NFATC3: variants seen among roughly 807,000 people sequenced by gnomAD.
The protein encoded by NFATC3 is nuclear factor of activated T-cells, cytoplasmic 3.
NFATC3 carries 46 observed loss-of-function variants against 98.6 expected under a neutral mutation model. The ratio of observed to expected loss-of-function variants is 0.47; its 90% CI spans 0.37 to 0.60. The LOEUF is 0.60. NFATC3 is among the 20% of genes least tolerant of loss of function. The pLI, the probability that NFATC3 is intolerant of heterozygous loss-of-function variation, is 0.00. For synonymous variants in NFATC3, 512 were observed against 472.2 expected, an observed-to-expected ratio of 1.08 and a Z score of -1.09; for missense variants, 1,256 against 1,295.5, an observed-to-expected ratio of 0.97 and a Z score of 0.47.
intron 9 of NFATC3, chr16:68,192,251 A>ATATATATATATATATATT (rs1427447833): frequency 9.2e-6 from 1 of 109,128 alleles, no homozygotes; most frequent in African/African-American, 3.1e-5. Flanking sequence ...ATATATATAT[A>ATATATATATATATATATT]TATGTATGTG....
chr16:68,094,290 T>G (rs1414217285), intron 1 of NFATC3, among the ~76,000 whole-genome samples: 1 of 152,156 alleles, frequency 6.6e-6, no homozygotes, highest in African/African-American at 2.4e-5. Flanking sequence ...GTTTTGCTTT[T>G]AAAGTTTAAA....
At chr16:68,092,537 G>C (rs1164361940) in intron 1 of NFATC3, among the ~76,000 whole-genome samples, 1 of 118,438 alleles carries the variant, frequency 8.4e-6, no homozygotes, top group Non-Finnish European at 1.9e-5. Flanking sequence ...TGAGGCAGGC[G>C]GATCACGAGG....
intron 3 of NFATC3, among the ~76,000 whole-genome samples, chr16:68,127,824 T>C (rs984411538): frequency 6.6e-6 from 1 of 152,158 alleles, no homozygotes; most frequent in African/African-American, 2.4e-5. Context: ...GTAAAGTAAT[T>C]GTCTGTCTTA....
intron 9 of NFATC3, among the ~76,000 whole-genome samples, chr16:68,210,000 TA>T (rs1343411088): frequency 6.6e-6 from 1 of 150,992 alleles, no homozygotes; most frequent in African/African-American, 2.4e-5. Context: ...CCATCTCTGC[TA>T]AAAATACAAA....
intron 9 of NFATC3, among the ~76,000 whole-genome samples, chr16:68,195,616 G>C (rs2072496694): frequency 6.6e-6 from 1 of 152,166 alleles, no homozygotes; most frequent in South Asian, 2.1e-4. Context: ...AGATCATCCT[G>C]GCTAACACGG....
intron 3 of NFATC3, among the ~76,000 whole-genome samples, chr16:68,131,651 T>C (rs1431486999): frequency 1.5e-5 from 2 of 133,868 alleles, no homozygotes; most frequent in Non-Finnish European, 3.2e-5. Context: ...ATCAAGGTAC[T>C]TTTTTTTTTT....
intron 1 of NFATC3, chr16:68,086,018 C>T: frequency 2.4e-6 from 1 of 422,334 alleles, no homozygotes; most frequent in Admixed American, 4.6e-5. Flanking sequence ...GGGAACTCGA[C>T]TCCGGGACGA....
chr16:68,144,517 T>A lies in NFATC3; in HGVS notation c.1402-13352T>A, dbSNP rs189591401. 2.6e-5 allele frequency among the ~76,000 whole-genome samples: 4 copies of A among 151,490 alleles called. No individual in the cohort carries two copies. The East Asian group carries it at 7.7e-4, about 29-fold the overall frequency. On this transcript the variant is annotated intron_variant, in intron 3 of 9. Transcript: ENST00000346183. ...TGTATTATCATTATCATCATCATTA[T>A]TTTTTTTTGTAGACACAGTGGTTCA...
intron 3 of NFATC3, among the ~76,000 whole-genome samples, chr16:68,151,612 C>T (rs188275100): frequency 5.3e-5 from 8 of 152,210 alleles, no homozygotes; most frequent in Admixed American, 2.6e-4. Flanking sequence ...ATAGTTATCC[C>T]ATGTATTGAG....
At chr16:68,226,227 C>T (rs2042033913) in intron 9 of NFATC3, 123 bp from the exon 10 acceptor site, 5 of 1,199,640 alleles carry the variant, frequency 4.2e-6, no homozygotes, top group East Asian at 2.8e-5. Flanking sequence ...AGGCTTCAGA[C>T]ACTGCCTTTA....
At chr16:68,209,491 T>C (rs2041285840) in intron 9 of NFATC3, 1 of 199,154 alleles carries the variant, frequency 5.0e-6, no homozygotes, top group South Asian at 7.7e-5. Context: ...CTGCTGGAGG[T>C]GTGGTGGCTG....
chr16:68,218,618 G>T (rs1456599165), intron 9 of NFATC3, among the ~76,000 whole-genome samples: 1 of 149,582 alleles, frequency 6.7e-6, no homozygotes, highest in East Asian at 2.0e-4. Context: ...CTGTCACCCA[G>T]GCTGGAGTGC....
At chr16:68,141,757 G>A (rs1017603023) in intron 3 of NFATC3, among the ~76,000 whole-genome samples, 7 of 151,988 alleles carry the variant, frequency 4.6e-5, no homozygotes, top group African/African-American at 1.7e-4. Flanking sequence ...CCATTCTGTG[G>A]GTTGTCTGTT....
At chr16:68,192,251 A>ATAAATATATGTATG (rs2040462458) in intron 9 of NFATC3, 1 of 109,128 alleles carries the variant, frequency 9.2e-6, no homozygotes, top group African/African-American at 3.1e-5. Context: ...ATATATATAT[A>ATAAATATATGTATG]TATGTATGTG....
In NFATC3 at chr16:68,191,495, A is replaced by G. The variant is rs780569256; in HGVS notation, c.2826A>G (p.Pro942=). The change falls in exon 9 of 10, where the codon CCA becomes CCG. Residue 942 remains proline (P), a synonymous_variant. Transcript: ENST00000346183. Reference sequence around the variant, plus strand: ...TGGCTAGTTCACCGCTTTCTGGGCCACCATCTCCTCAGCTTCAGCCTATGC... The same window carrying G: ...TGGCTAGTTCACCGCTTTCTGGGCCGCCATCTCCTCAGCTTCAGCCTATGC... ...HPLASSPLSG[P]PSPQLQPMPY... 43 of 1,613,930 alleles carry G rather than the reference A, an allele frequency of 2.7e-5. 1 individual carries two copies. The South Asian group carries it at 2.7e-4, about 10-fold the overall frequency.
Position 68,213,217 on chromosome 16 carries a change from C to A in NFATC3, c.3107-13133C>A, listed in dbSNP as rs542966183. Among the ~76,000 whole-genome samples, 22 of 149,690 alleles carry A rather than the reference C, an allele frequency of 1.5e-4. 1 individual carries two copies. Among genetic ancestry groups the A allele is most frequent in the Admixed American group, 1.3e-3 (19 of 15,010 alleles). On this transcript the variant is annotated intron_variant, in intron 9 of 9. Coordinates refer to ENST00000346183, the MANE Select transcript of NFATC3 (RefSeq NM_173165.3). ...GATCACAAGGTCAGGAGATCAAGAC[C>A]ATCCTGGCTAAGAAGGTGAAACCCT...
At chr16:68,205,334 A>G (rs971539918) in intron 9 of NFATC3, among the ~76,000 whole-genome samples, 3 of 151,862 alleles carry the variant, frequency 2.0e-5, no homozygotes, top group Non-Finnish European at 2.9e-5. Flanking sequence ...TGCAGCCTCG[A>G]CCTCCCAGGC....
rs369218056 is a variant in NFATC3 at position 68,158,082 on chromosome 16, T to C, written c.1601+14T>C. On this transcript the variant is annotated intron_variant, in intron 4 of 9. Coordinates refer to ENST00000346183, the MANE Select transcript of NFATC3 (RefSeq NM_173165.3). ...TATGTCAGCCAGGTATTTTGAAATA[T>C]ACCTAAAATGTGCAGTTCTTTTTTT... 2.5e-6 allele frequency: 4 copies of C among 1,582,126 alleles called. No homozygotes were observed. Among genetic ancestry groups the C allele is most frequent in the Non-Finnish European group, 3.5e-6 (4 of 1,155,756 alleles).
At chr16:68,120,896 T>C (rs2036539110) in intron 1 of NFATC3, among the ~76,000 whole-genome samples, 1 of 152,216 alleles carries the variant, frequency 6.6e-6, no homozygotes, top group Non-Finnish European at 1.5e-5. Flanking sequence ...TATCCTATAC[T>C]TTTTAGCTCT....
Sources: allele counts gnomAD v4.1 joint callset (sites outside exome capture counted in the v4.1 genomes callset), GRCh38; gene constraint gnomAD v4.1.1; transcripts MANE v1.5; gene names NCBI Gene and HGNC (gene_info 2026-07-23, HGNC 2026-07-21).